The following PDE4B variants were observed in gnomAD, a reference collection of about 807,000 sequenced individuals.
The protein encoded by PDE4B is phosphodiesterase 4B.
Under a neutral mutation model 82.2 loss-of-function variants are expected in PDE4B, and 20 were observed. The observed-to-expected ratio is 0.24, with a 90% CI of 0.17 to 0.35. The LOEUF (loss-of-function observed/expected upper bound fraction) is 0.35, where lower values mean the gene tolerates loss of function less well. Ranked by LOEUF, PDE4B falls within the 10% of genes least tolerant of loss-of-function variation. PDE4B has a pLI of 1.00. For missense variants in PDE4B, 655 were observed against 907.2 expected, an observed-to-expected ratio of 0.72 and a Z score of 3.57; for synonymous variants, 320 against 318.9, an observed-to-expected ratio of 1.00 and a Z score of -0.04.
chr1:65,907,664 C>T (rs985629859), intron 1 of PDE4B, among the ~76,000 whole-genome samples: 10 of 152,194 alleles, frequency 6.6e-5, no homozygotes, highest in Non-Finnish European at 1.3e-4. Flanking sequence ...GGTTCTTAGA[C>T]GTTTATACTT....
chr1:66,055,448 C>T (rs1314765325), intron 3 of PDE4B, among the ~76,000 whole-genome samples: 1 of 152,180 alleles, frequency 6.6e-6, no homozygotes, highest in Non-Finnish European at 1.5e-5. Flanking sequence ...CACATAGTAG[C>T]TATTATTAGT....
intron 7 of PDE4B, among the ~76,000 whole-genome samples, chr1:66,326,851 A>G (rs977256491): frequency 3.9e-5 from 6 of 152,190 alleles, no homozygotes; most frequent in Admixed American, 3.9e-4. Context: ...TCTCAGCCTC[A>G]GTTTTCTCAA....
intron 1 of PDE4B, among the ~76,000 whole-genome samples, chr1:65,813,086 G>T (rs536704809): frequency 1.3e-5 from 2 of 152,312 alleles, no homozygotes; most frequent in East Asian, 1.9e-4. Context: ...GCTACCGAGG[G>T]AGTTCAGGAA....
At chr1:66,205,152 G>A (rs10127671) in intron 3 of PDE4B, among the ~76,000 whole-genome samples, 74,068 of 152,030 alleles carry the variant, frequency 0.49, 19,163 homozygotes, top group South Asian at 0.63. Context: ...TATTTAGAAA[G>A]AGACTCATGG....
chr1:65,943,160 C>G (rs932668991), intron 3 of PDE4B, among the ~76,000 whole-genome samples: 2 of 151,848 alleles, frequency 1.3e-5, no homozygotes, highest in Non-Finnish European at 2.9e-5. Context: ...ACATTTAACT[C>G]TTAAATCAAT....
chr1:66,286,861 G>A (rs1656712761), intron 7 of PDE4B, among the ~76,000 whole-genome samples: 1 of 152,062 alleles, frequency 6.6e-6, no homozygotes, highest in Non-Finnish European at 1.5e-5. Flanking sequence ...TTCAGTCACT[G>A]TCCCCAAAGA....
At chr1:66,111,299 T>G (rs1041263958) in intron 3 of PDE4B, among the ~76,000 whole-genome samples, 3 of 152,134 alleles carry the variant, frequency 2.0e-5, no homozygotes, top group African/African-American at 7.2e-5. Context: ...TTAAACATTT[T>G]TAAAGAGTTT....
intron 3 of PDE4B, among the ~76,000 whole-genome samples, chr1:66,075,495 GC>G (rs1656379583): frequency 6.6e-6 from 1 of 151,972 alleles, no homozygotes. Flanking sequence ...GGTTCTCAGG[GC>G]CTTTATTCCC....
At chr1:66,300,945 C>A (rs992462921) in intron 7 of PDE4B, among the ~76,000 whole-genome samples, 1 of 152,142 alleles carries the variant, frequency 6.6e-6, no homozygotes, top group Non-Finnish European at 1.5e-5. Context: ...ATTTAAGTGG[C>A]TGAGCTCTGA....
intron 3 of PDE4B, 120 bp downstream of exon 3, chr1:65,918,955 G>A (rs1387222598): frequency 1.5e-6 from 1 of 664,800 alleles, no homozygotes; most frequent in African/African-American, 1.8e-5. Flanking sequence ...TTGACATTTT[G>A]AGAATTCGTT....
At chr1:66,040,308 G>A (rs1020900628) in intron 3 of PDE4B, among the ~76,000 whole-genome samples, 1 of 151,926 alleles carries the variant, frequency 6.6e-6, no homozygotes, top group South Asian at 2.1e-4. Flanking sequence ...TTATTTAGAG[G>A]AACCACCTCA....
At chr1:66,147,408 A>G (rs1646297392) in intron 3 of PDE4B, among the ~76,000 whole-genome samples, 1 of 152,188 alleles carries the variant, frequency 6.6e-6, no homozygotes, top group South Asian at 2.1e-4. Flanking sequence ...TGATGGCAGG[A>G]TTGGGAAAGG....
At chr1:66,249,435 CAG>C (rs1653580631) in intron 4 of PDE4B, among the ~76,000 whole-genome samples, 1 of 152,186 alleles carries the variant, frequency 6.6e-6, no homozygotes, top group Admixed American at 6.5e-5. Context: ...CAAGGTCATT[CAG>C]AGTCGCCCCA....
At chr1:66,309,583 CAA>C (rs1269964555) in intron 7 of PDE4B, among the ~76,000 whole-genome samples, 1 of 152,144 alleles carries the variant, frequency 6.6e-6, no homozygotes, top group Non-Finnish European at 1.5e-5. Context: ...CAGATTGCAG[CAA>C]AGTTTAGCCA....
chr1:65,821,421 T>A (rs1645951128), intron 1 of PDE4B, among the ~76,000 whole-genome samples: 1 of 152,204 alleles, frequency 6.6e-6, no homozygotes, highest in Non-Finnish European at 1.5e-5. Context: ...TCTTTGCACA[T>A]TTTCCTGGAA....
intron 1 of PDE4B, among the ~76,000 whole-genome samples, chr1:65,822,936 T>C (rs989822488): frequency 5.9e-5 from 9 of 152,232 alleles, no homozygotes; most frequent in Admixed American, 3.9e-4. Context: ...AGATTTTTTT[T>C]CCAATTTTAT....
rs1392245268 is a variant in PDE4B at position 65,918,629 on chromosome 1, TA to T, written c.78del (p.Lys26AsnfsTer54). 6.2e-7 allele frequency: 1 copy of T among 1,610,598 alleles called. No homozygotes were observed. The highest frequency in any genetic ancestry group is 8.5e-7 in the Non-Finnish European group (1 of 1,176,862). On this transcript the variant is annotated frameshift_variant, in exon 3 of 17. Transcript: ENST00000341517. LOFTEE classifies it high-confidence loss of function. ...AAGATTATTTTGAATGTAGCTTGAG[TA>T]AATCCTACAGTTCTTCCAGTAACAC... is the stretch of plus-strand genomic sequence containing the variant. ...VKDYFECSLS[K>X]SYSSSSNTLG...
intron 3 of PDE4B, among the ~76,000 whole-genome samples, chr1:66,090,617 A>AGTG (rs1342550461): frequency 5.5e-5 from 1 of 18,322 alleles, no homozygotes; most frequent in South Asian, 6.8e-4. Context: ...TATGTATATA[A>AGTG]TATATGTGTG....
chr1:65,884,824 C>T (rs1260349664), intron 1 of PDE4B, among the ~76,000 whole-genome samples: 1 of 152,102 alleles, frequency 6.6e-6, no homozygotes, highest in African/African-American at 2.4e-5. Context: ...TCTAAAACAC[C>T]AAAAGCAATG....
Sources: gnomAD v4.1 joint callset for allele counts (sites outside exome capture counted in the v4.1 genomes callset) on GRCh38, gnomAD v4.1.1 for gene constraint, MANE v1.5 for transcripts, NCBI Gene and HGNC (gene_info 2026-07-23, HGNC 2026-07-21) for gene names.